LARS2: variants seen among roughly 807,000 people sequenced by gnomAD.
LARS2 encodes the protein leucine--tRNA ligase, mitochondrial.
A neutral mutation model predicts 116.6 loss-of-function variants in LARS2; 81 were observed. That is an observed-to-expected ratio of 0.69 (90% CI 0.58 to 0.84). The LOEUF (loss-of-function observed/expected upper bound fraction) is 0.84, where lower values mean the gene tolerates loss of function less well. Among genes scored for constraint, LARS2 ranks in the 40% least tolerant of loss-of-function variants. The pLI is 0.00. For missense variants in LARS2, 968 were observed against 1,114.5 expected, an observed-to-expected ratio of 0.87 and a Z score of 1.87; for synonymous variants, 396 against 407.2, an observed-to-expected ratio of 0.97 and a Z score of 0.33.
chr3:45,510,351 C>T (rs1700269024), intron 15 of LARS2, among the ~76,000 whole-genome samples: 3 of 151,976 alleles, frequency 2.0e-5, no homozygotes, highest in Non-Finnish European at 1.5e-5. Flanking sequence ...GAGACTGAGG[C>T]TGCAGTGAGC....
At chr3:45,447,054 A>T (rs1348928160) in intron 7 of LARS2, 74 bp downstream of exon 7, 3 of 837,342 alleles carry the variant, frequency 3.6e-6, no homozygotes, top group Non-Finnish European at 5.8e-6. Flanking sequence ...AGCAGCGAAA[A>T]TGAACGCTAC....
In LARS2 at chr3:45,520,254, T is replaced by C. The variant is rs1700431670; in HGVS notation, c.2250T>C (p.Asn750=). 6.2e-7 allele frequency: 1 copy of C among 1,613,732 alleles called. No individual in the cohort carries two copies. Among genetic ancestry groups the C allele is most frequent in the African/African-American group, 1.3e-5 (1 of 75,012 alleles). ...TTHFTEDFSL[N]SAISQLMGLS... ...ATTTCACAGAGGACTTCTCACTGAA[T>C]TCTGCAATTTCTCAGCTGATGGGAC... Residue 750 remains asparagine (N), a synonymous_variant, in exon 19 of 22, where the codon AAT becomes AAC. Transcript: ENST00000645846.
At chr3:45,404,471 A>G (rs529168852) in intron 4 of LARS2, among the ~76,000 whole-genome samples, 35 of 152,140 alleles carry the variant, frequency 2.3e-4, no homozygotes, top group Non-Finnish European at 3.5e-4. Flanking sequence ...GCCCAGTGTC[A>G]GGATTGGTCC....
intron 16 of LARS2, among the ~76,000 whole-genome samples, 161 bp downstream of exon 16, chr3:45,513,396 C>T (rs951915053): frequency 1.3e-5 from 2 of 152,032 alleles, no homozygotes; most frequent in Admixed American, 1.3e-4. Context: ...TCTGGGCCTG[C>T]GCCCCCTGAA....
intron 15 of LARS2, among the ~76,000 whole-genome samples, chr3:45,509,783 A>G (rs575764619): frequency 1.8e-4 from 27 of 152,064 alleles, no homozygotes; most frequent in Admixed American, 4.6e-4. Flanking sequence ...GGATTCTAGG[A>G]GCTGGGAAGC....
intron 1 of LARS2, among the ~76,000 whole-genome samples, chr3:45,391,264 T>C (rs1345371151): frequency 6.6e-6 from 1 of 151,956 alleles, no homozygotes; most frequent in African/African-American, 2.4e-5. Flanking sequence ...GGCAGAGTGA[T>C]CACGAGGTCA....
chr3:45,425,982 C>G (rs1698589418), intron 6 of LARS2, among the ~76,000 whole-genome samples: 1 of 150,490 alleles, frequency 6.6e-6, no homozygotes, highest in Non-Finnish European at 1.5e-5. Context: ...TCTCTTCCCA[C>G]TGTCATGTTG....
chr3:45,497,928 A>G (rs1438921930), intron 14 of LARS2, among the ~76,000 whole-genome samples: 5 of 152,024 alleles, frequency 3.3e-5, no homozygotes, highest in African/African-American at 1.2e-4. Flanking sequence ...AAGAAAAAAA[A>G]GAAATGAGGG....
chr3:45,488,083 T>C (rs1699846016), intron 11 of LARS2, among the ~76,000 whole-genome samples: 2 of 152,036 alleles, frequency 1.3e-5, no homozygotes, highest in Admixed American at 6.5e-5. Context: ...CAAATGCTTA[T>C]AATTTTTAGT....
rs1240025941 is a variant in LARS2, at chr3:45,422,348, C to T, written c.516+2619C>T. On this transcript the variant is annotated intron_variant, in intron 6 of 21. Transcript: ENST00000645846. ...AATGGTTTTTGTTACAAATAATTTTCCTCAGTCTGTCATTTGCCTTGCATT... is the reference window on the plus strand; with the variant it reads ...AATGGTTTTTGTTACAAATAATTTTTCTCAGTCTGTCATTTGCCTTGCATT... 3 of 151,920 alleles carry T rather than the reference C, an allele frequency of 2.0e-5. No homozygotes were observed. In the East Asian group the frequency reaches 5.8e-4, roughly 29 times the overall value. The allele number at this position is 151,920 out of a possible 1,614,324, so 9.4% of individuals were successfully genotyped here. A position where few individuals can be genotyped will look rare whatever the true frequency, so the allele number is the denominator to read the frequency against.
chr3:45,467,492 G>A (rs1042230869), intron 8 of LARS2, among the ~76,000 whole-genome samples: 3 of 152,150 alleles, frequency 2.0e-5, no homozygotes, highest in Admixed American at 1.3e-4. Context: ...TTAACAACAT[G>A]CTCTTAACTA....
chr3:45,439,665 T>C (rs952399835), intron 6 of LARS2, among the ~76,000 whole-genome samples: 64 of 152,116 alleles, frequency 4.2e-4, no homozygotes, highest in African/African-American at 1.4e-3. Flanking sequence ...AACGGAGGAT[T>C]GAATGTAAGG....
chr3:45,456,029 G>A (rs1699207949), intron 7 of LARS2, among the ~76,000 whole-genome samples: 1 of 152,060 alleles, frequency 6.6e-6, no homozygotes, highest in Admixed American at 6.6e-5. Flanking sequence ...GGAAGTTACT[G>A]TCAGGAGTAC....
Position 45,549,349 on chromosome 3 carries a change from G to A in LARS2, c.*1819G>A, listed in dbSNP as rs1208819049. On this transcript the variant is annotated 3_prime_UTR_variant, in exon 22 of 22. Coordinates refer to ENST00000645846, the MANE Select transcript of LARS2 (RefSeq NM_015340.4). ...CTAGAGTGCTAGAGCCGACTTGAAT[G>A]TACTCAGTCTCATTGCACATGGCAG... 6.6e-6 allele frequency: 1 copy of A among 152,236 alleles called. No homozygotes were observed. The highest frequency in any genetic ancestry group is 1.5e-5 in the Non-Finnish European group (1 of 68,058). The allele number at this position is 152,236 out of a possible 1,614,324, so 9.4% of individuals were successfully genotyped here.
At chr3:45,476,445 T>A in intron 9 of LARS2, 23 bp from the exon 10 acceptor site, 3 of 1,613,770 alleles carry the variant, frequency 1.9e-6, no homozygotes, top group Admixed American at 3.3e-5. Context: ...AGAAATGACA[T>A]CACTCTTCTT....
intron 15 of LARS2, among the ~76,000 whole-genome samples, chr3:45,510,902 C>A (rs1700279407): frequency 6.6e-6 from 1 of 152,254 alleles, no homozygotes; most frequent in Admixed American, 6.5e-5. Context: ...ATTATATCCC[C>A]AGTGCCTAGC....
intron 17 of LARS2, among the ~76,000 whole-genome samples, chr3:45,517,698 C>T (rs1257347404): frequency 2.0e-5 from 3 of 152,174 alleles, no homozygotes; most frequent in Non-Finnish European, 4.4e-5. Flanking sequence ...AATCTGGGCA[C>T]TAAAATGAGA....
intron 8 of LARS2, among the ~76,000 whole-genome samples, chr3:45,460,779 G>C (rs1699303811): frequency 6.6e-6 from 1 of 151,988 alleles, no homozygotes; most frequent in Non-Finnish European, 1.5e-5. Context: ...CTCAGCCAAG[G>C]GTATATAGTT....
At chr3:45,476,142 A>G (rs754109078) in intron 9 of LARS2, among the ~76,000 whole-genome samples, 2 of 151,288 alleles carry the variant, frequency 1.3e-5, no homozygotes, top group Non-Finnish European at 2.9e-5. Context: ...ACACTATAAC[A>G]CTAATAGTTA....
Sources: gnomAD v4.1 joint callset for allele counts (sites outside exome capture counted in the v4.1 genomes callset) on GRCh38, gnomAD v4.1.1 for gene constraint, MANE v1.5 for transcripts, NCBI Gene and HGNC (gene_info 2026-07-23, HGNC 2026-07-21) for gene names.